The following MAPT variants were observed in gnomAD, a reference collection of about 807,000 sequenced individuals.
The protein encoded by MAPT is microtubule-associated protein tau.
A neutral mutation model predicts 67.9 loss-of-function variants in MAPT; 34 were observed. The observed-to-expected ratio is 0.50, with a 90% CI of 0.38 to 0.67. The LOEUF (loss-of-function observed/expected upper bound fraction) is 0.67, where lower values mean the gene tolerates loss of function less well. Among genes scored for constraint, MAPT ranks in the 30% least tolerant of loss-of-function variants. The pLI, the probability that MAPT is intolerant of heterozygous loss-of-function variation, is 0.00. For missense variants in MAPT, 881 were observed against 1,115.2 expected (o/e 0.79, Z 2.99); for synonymous variants, 456 against 464.5 (o/e 0.98, Z 0.23).
chr17:45,997,148 G>A (rs1172518110), intron 9 of MAPT, among the ~76,000 whole-genome samples: 2 of 152,198 alleles, frequency 1.3e-5, no homozygotes, highest in Admixed American at 1.3e-4. Flanking sequence ...GTTTTGATCA[G>A]CTGATTCTTC....
At chr17:45,954,045 AAAG>A (rs2069358303) in intron 1 of MAPT, among the ~76,000 whole-genome samples, 1 of 152,212 alleles carries the variant, frequency 6.6e-6, no homozygotes. Context: ...GGAGAAGCCT[AAAG>A]AAGGAGTCTA....
chr17:45,984,262 C>T (rs1336106138), intron 5 of MAPT, among the ~76,000 whole-genome samples: 2 of 152,214 alleles, frequency 1.3e-5, no homozygotes, highest in East Asian at 1.9e-4. Flanking sequence ...TGCCTTCCAC[C>T]GACAGGATGA....
chr17:45,902,106 G>A (rs561607601), intron 1 of MAPT, among the ~76,000 whole-genome samples: 6 of 152,050 alleles, frequency 3.9e-5, no homozygotes, highest in East Asian at 3.9e-4. Flanking sequence ...ACGGAGTCTC[G>A]CTCTATCGCC....
chr17:45,925,235 C>T (rs892459784), intron 1 of MAPT, among the ~76,000 whole-genome samples: 6 of 152,170 alleles, frequency 3.9e-5, no homozygotes, highest in African/African-American at 7.2e-5. Context: ...TGGGCGGCCC[C>T]GGGCTGCAGT....
At chr17:46,001,545 C>T (rs2075001607) in intron 9 of MAPT, among the ~76,000 whole-genome samples, 1 of 152,172 alleles carries the variant, frequency 6.6e-6, no homozygotes. Flanking sequence ...TGCCTGTAAT[C>T]CCAACACTTT....
At chr17:45,986,858 G>A (rs561514232) in intron 5 of MAPT, among the ~76,000 whole-genome samples, 182 bp from the exon 6 acceptor site, 1 of 152,218 alleles carries the variant, frequency 6.6e-6, no homozygotes, top group African/African-American at 2.4e-5. Flanking sequence ...CCAGTGTGCT[G>A]TGTTGATACT....
intron 9 of MAPT, chr17:45,999,331 C>T (rs2074789337): frequency 6.2e-7 from 1 of 1,613,864 alleles, no homozygotes; most frequent in Admixed American, 1.7e-5. Context: ...CCCCACAAGA[C>T]TGTGCAGGTG....
chr17:45,999,192 A>G, intron 9 of MAPT: 2 of 1,512,088 alleles, frequency 1.3e-6, no homozygotes, highest in East Asian at 2.3e-5. Flanking sequence ...TCCTCCAGGA[A>G]GTCTTCCTGG....
rs373276531 is a variant in MAPT at position 45,983,381 on chromosome 17, C to A, written c.802C>A (p.Leu268Ile). 7.5e-6 allele frequency: 12 copies of A among 1,608,772 alleles called. No individual in the cohort carries two copies. The African/African-American group carries it at 1.6e-4, about 21-fold the overall frequency. The change falls in exon 5 of 13, where the codon CTA becomes ATA. Residue 268 changes from leucine (L) to isoleucine (I), a missense_variant. Physicochemically the swap from Leu to Ile is conservative, Grantham distance 5 (BLOSUM62 2). Coordinates refer to ENST00000262410, the MANE Select transcript of MAPT (RefSeq NM_001377265.1). ...CCCTGAGCTGCTCAAGCACCAGCTT[C>A]TAGGAGACCTGCACCAGGAGGGGCC... Reference protein sequence around the residue: ...HAPELLKHQLLGDLHQEGPPL... With the variant: ...HAPELLKHQLIGDLHQEGPPL...
chr17:45,907,848 T>C (rs925040138), intron 1 of MAPT: 3 of 152,240 alleles, frequency 2.0e-5, no homozygotes, highest in Admixed American at 2.0e-4. Context: ...TGGGGATTAT[T>C]ATCCTCATTT....
chr17:45,968,841 C>T (rs1469039915), intron 2 of MAPT, among the ~76,000 whole-genome samples: 4 of 152,232 alleles, frequency 2.6e-5, no homozygotes, highest in African/African-American at 7.2e-5. Context: ...GGGGACGTCT[C>T]ATCTGCCAGG....
chr17:46,013,255 G>A (rs2075945846), intron 10 of MAPT, among the ~76,000 whole-genome samples: 1 of 152,190 alleles, frequency 6.6e-6, no homozygotes, highest in Non-Finnish European at 1.5e-5. Flanking sequence ...CACTGCTGGA[G>A]GCCCTGGGGA....
chr17:45,937,366 TC>T (rs1407898605), intron 1 of MAPT, among the ~76,000 whole-genome samples: 1 of 152,106 alleles, frequency 6.6e-6, no homozygotes, highest in East Asian at 1.9e-4. Context: ...GGCAGGAGGA[TC>T]ATTTGAGGTC....
At chr17:46,000,606 C>T (rs927952657) in intron 9 of MAPT, among the ~76,000 whole-genome samples, 23 of 152,182 alleles carry the variant, frequency 1.5e-4, no homozygotes, top group African/African-American at 5.3e-4. Context: ...GCCTCCTGGA[C>T]CTGTTGTCAT....
chr17:46,026,341 G>A lies in MAPT; in HGVS notation c.*2170G>A, dbSNP rs1261059705. ...AGCACAGGATTAGGACTGAAGCGATGATGTCCCCTTCCCTACTTCCCCTTG... is the reference window on the plus strand; with the variant it reads ...AGCACAGGATTAGGACTGAAGCGATAATGTCCCCTTCCCTACTTCCCCTTG... On this transcript the variant is annotated 3_prime_UTR_variant, in exon 13 of 13. Coordinates refer to ENST00000262410, the MANE Select transcript of MAPT (RefSeq NM_001377265.1). 6.5e-6 allele frequency: 1 copy of A among 152,780 alleles called. No individual in the cohort carries two copies. Among genetic ancestry groups the A allele is most frequent in the South Asian group, 2.1e-4 (1 of 4,826 alleles). 9.5% of individuals were successfully genotyped at this position (152,780 alleles called of 1,614,324 possible).
intron 9 of MAPT, among the ~76,000 whole-genome samples, chr17:46,003,351 T>C (rs2075171238): frequency 1.3e-5 from 2 of 151,856 alleles, no homozygotes; most frequent in Non-Finnish European, 2.9e-5. Flanking sequence ...CAATCTCGGC[T>C]CACTGCAACC....
chr17:45,984,474 C>T (rs185468799), intron 5 of MAPT, among the ~76,000 whole-genome samples: 1 of 152,346 alleles, frequency 6.6e-6, no homozygotes, highest in East Asian at 1.9e-4. Context: ...CAACGCCTCC[C>T]AGGAGGTGCT....
chr17:45,994,979 C>T (rs533097333), intron 8 of MAPT, among the ~76,000 whole-genome samples: 22 of 151,888 alleles, frequency 1.4e-4, no homozygotes, highest in Non-Finnish European at 3.1e-4. Flanking sequence ...TCCCATGCAG[C>T]GGAGGTTGCA....
chr17:45,939,109 C>T (rs902750573), intron 1 of MAPT, among the ~76,000 whole-genome samples: 2 of 152,000 alleles, frequency 1.3e-5, no homozygotes, highest in South Asian at 4.2e-4. Flanking sequence ...CCAACATGCC[C>T]GGCCCCAGCT....
Sources: allele counts gnomAD v4.1 joint callset (sites outside exome capture counted in the v4.1 genomes callset), GRCh38; gene constraint gnomAD v4.1.1; transcripts MANE v1.5; gene names NCBI Gene and HGNC (gene_info 2026-07-23, HGNC 2026-07-21).